Variants in ATG2B observed in about 807,000 individuals in gnomAD.
ATG2B encodes the protein autophagy related 2B.
A neutral mutation model predicts 241.3 loss-of-function variants in ATG2B; 121 were observed. The observed-to-expected ratio is 0.50, with a 90% CI of 0.43 to 0.58. The LOEUF (loss-of-function observed/expected upper bound fraction) is 0.58. Among genes scored for constraint, ATG2B ranks in the 20% least tolerant of loss-of-function variants. The pLI is 0.00. For synonymous variants in ATG2B, 858 were observed against 876.6 expected (o/e 0.98, Z 0.37); for missense variants, 2,306 against 2,491.6 (o/e 0.93, Z 1.59).
intron 41 of ATG2B, among the ~76,000 whole-genome samples, chr14:96,288,999 T>G (rs1461310244): frequency 6.6e-6 from 1 of 152,082 alleles, no homozygotes; most frequent in Non-Finnish European, 1.5e-5. Context: ...AAACTGAATG[T>G]CCACCAACAG....
In ATG2B at chr14:96,322,686, T is replaced by G. The variant is rs936705548; in HGVS notation, c.2590A>C (p.Ile864Leu). 1 of 1,613,720 alleles carries G rather than the reference T, an allele frequency of 6.2e-7. No individual in the cohort carries two copies. ...PPAMHSILER[I>L]AAEEEEENDG... Reference sequence around the variant, plus strand: ...TTCTCCTCTTCTTCTTCAGCTGCAATTCTCTCCAAAATGGAATGCATGGCT... The same window carrying G: ...TTCTCCTCTTCTTCTTCAGCTGCAAGTCTCTCCAAAATGGAATGCATGGCT... Residue 864 changes from isoleucine to leucine, a missense_variant, in exon 17 of 42, where the codon ATT (isoleucine) becomes CTT (leucine). Coordinates refer to ENST00000359933, the MANE Select transcript of ATG2B (RefSeq NM_018036.7).
At chr14:96,335,363 AAAAC>A (rs1346997775) in intron 6 of ATG2B, among the ~76,000 whole-genome samples, 1 of 152,204 alleles carries the variant, frequency 6.6e-6, no homozygotes, top group Non-Finnish European at 1.5e-5. Context: ...ATTCTAAAAC[AAAAC>A]AAACAAAAAA....
chr14:96,306,251 T>C (rs1167718479), intron 30 of ATG2B, among the ~76,000 whole-genome samples: 1 of 152,232 alleles, frequency 6.6e-6, no homozygotes, highest in Non-Finnish European at 1.5e-5. Flanking sequence ...TCTCAGAACT[T>C]TGTAAACAAA....
intron 8 of ATG2B, 72 bp from the exon 9 acceptor site, chr14:96,332,727 C>A (rs1447657085): frequency 8.2e-6 from 10 of 1,225,460 alleles, no homozygotes; most frequent in Non-Finnish European, 1.1e-5. Context: ...AGTTAATATA[C>A]GTTAATACAA....
chr14:96,344,025 A>C (rs759872387), intron 4 of ATG2B, among the ~76,000 whole-genome samples: 1 of 152,242 alleles, frequency 6.6e-6, no homozygotes, highest in African/African-American at 2.4e-5. Context: ...TTGGCAGTTC[A>C]TACAGCATTA....
rs149883118 is a variant in ATG2B at position 96,335,054 on chromosome 14, G to A, written c.925-553C>T. ...CGCCACTACAGAAACGTGGACAGAA[G>A]ATGGTGCTTAGGTGGACTTCCTTTC... On this transcript the variant is annotated intron_variant, in intron 6 of 41. Transcript: ENST00000359933. 3.9e-3 allele frequency among the ~76,000 whole-genome samples: 589 copies of A among 152,312 alleles called. 3 individuals are homozygous for A. The highest frequency in any genetic ancestry group is 0.013 in the African/African-American group (548 of 41,578).
rs1397816846 is a variant in ATG2B at position 96,332,572 on chromosome 14, T to C, written c.1291A>G (p.Met431Val). The C allele has an allele frequency of 3.1e-6, 5 of 1,611,072 alleles. No homozygotes were observed. The highest frequency in any genetic ancestry group is 1.3e-5 in the African/African-American group (1 of 74,750). Residue 431 changes from methionine (M) to valine (V), a missense_variant, in exon 9 of 42, where the codon ATG becomes GTG. Transcript: ENST00000359933. ...CTAGTTAATGATAACTCAAGGTCCA[T>C]GTTTGGGGGGTCCCCAAGGGGTGGA... ...SLPPLGDPPN[M>V]DLELSLTSTY...
At chr14:96,349,031 T>C (rs951757364) in intron 1 of ATG2B, among the ~76,000 whole-genome samples, 4 of 152,182 alleles carry the variant, frequency 2.6e-5, no homozygotes, top group African/African-American at 7.2e-5. Flanking sequence ...GATGATTATA[T>C]ACAGAGGAAA....
rs1887522275 is a variant in ATG2B, at chr14:96,323,925, T to C, written c.2511A>G (p.Thr837=). 4 of 1,612,002 alleles carry C rather than the reference T, an allele frequency of 2.5e-6. No individual in the cohort carries two copies. The highest frequency in any genetic ancestry group is 3.4e-6 in the Non-Finnish European group (4 of 1,179,164). Residue 837 remains threonine, a synonymous_variant, in exon 16 of 42, where the codon ACA becomes ACG. Coordinates refer to ENST00000359933, the MANE Select transcript of ATG2B (RefSeq NM_018036.7). The stretch of plus-strand genomic sequence containing the variant: ...GCCAGTCAAAGTCATCTGACGATGT[T>C]GTATCTCCATCTACTCCACTAGACA... ...FHVSSGVDGD[T]TSSDDFDWPR...
chr14:96,339,570 C>T (rs1887958207), intron 6 of ATG2B, among the ~76,000 whole-genome samples: 1 of 151,842 alleles, frequency 6.6e-6, no homozygotes, highest in African/African-American at 2.4e-5. Flanking sequence ...ATGTCTTTTG[C>T]AGCAACTTGG....
rs1888087964 is a variant in ATG2B, at chr14:96,343,165, A to G, written c.698T>C (p.Phe233Ser). ...TGGGGAAGATTTGGCTGATGCAGAAAACTCATCCCAGAAGAGAGACACTCC... is the reference window on the plus strand; with the variant it reads ...TGGGGAAGATTTGGCTGATGCAGAAGACTCATCCCAGAAGAGAGACACTCC... ...LSGVSLFWDE[F>S]SASAKSSPVC... Residue 233 changes from phenylalanine to serine, a missense_variant, in exon 5 of 42, where the codon TTT becomes TCT. By Grantham distance (155) the Phe-to-Ser change is radical. Coordinates refer to ENST00000359933, the MANE Select transcript of ATG2B (RefSeq NM_018036.7). 4 of 1,605,230 alleles carry G rather than the reference A, an allele frequency of 2.5e-6. No individual in the cohort carries two copies. The highest frequency in any genetic ancestry group is 3.4e-6 in the Non-Finnish European group (4 of 1,174,926).
At chr14:96,358,110 A>G (rs1295417329) in intron 1 of ATG2B, among the ~76,000 whole-genome samples, 1 of 152,200 alleles carries the variant, frequency 6.6e-6, no homozygotes, top group Non-Finnish European at 1.5e-5. Context: ...AAACCTCTAA[A>G]TACAAAAAGG....
chr14:96,349,133 G>A (rs1434278048), intron 1 of ATG2B, among the ~76,000 whole-genome samples: 2 of 152,198 alleles, frequency 1.3e-5, no homozygotes, highest in Admixed American at 6.5e-5. Context: ...GGGACCAGAA[G>A]ACCAGAAGGA....
chr14:96,351,901 C>A (rs1387429001), intron 1 of ATG2B, among the ~76,000 whole-genome samples: 417 of 130,718 alleles, frequency 3.2e-3, no homozygotes, highest in Non-Finnish European at 3.3e-3. Flanking sequence ...GACCTTGTCT[C>A]AAAAAAAAAA....
chr14:96,333,832 T>C lies in ATG2B; in HGVS notation c.1063A>G (p.Asn355Asp), dbSNP rs763078021. 7 of 1,613,874 alleles carry C rather than the reference T, an allele frequency of 4.3e-6. No individual in the cohort carries two copies. The Admixed American group carries it at 1.2e-4, about 27-fold the overall frequency. Reference sequence around the variant, plus strand: ...TCGTCTTCCTGCTGCATGGGTCGATTTTTCCTATCTTTATTAGCTAACCCT... The same window carrying C: ...TCGTCTTCCTGCTGCATGGGTCGATCTTTCCTATCTTTATTAGCTAACCCT... ...KIGLANKDRKNRPMQQEDEYR... is the reference protein window; with the variant it reads ...KIGLANKDRKDRPMQQEDEYR... Residue 355 changes from asparagine (N) to aspartate (D), a missense_variant, in exon 8 of 42, where the codon AAT becomes GAT. By Grantham distance (23) the Asn-to-Asp change is conservative. Transcript: ENST00000359933.
rs1485693797 is a variant in ATG2B at position 96,292,101 on chromosome 14, G to A, written c.5427-3C>T. ...CTTCTGACGTGAATCTAAATTCTCT[G>A]AAGATAAAGGAAGGAGGGAGTTATT... On this transcript the variant is annotated splice_region_variant and splice_polypyrimidine_tract_variant and intron_variant, in intron 36 of 41. Transcript: ENST00000359933. 6.4e-7 allele frequency: 1 copy of A among 1,572,948 alleles called. No individual in the cohort carries two copies. Among genetic ancestry groups the A allele is most frequent in the Non-Finnish European group, 8.7e-7 (1 of 1,154,730 alleles).
intron 34 of ATG2B, among the ~76,000 whole-genome samples, chr14:96,296,717 C>T (rs1238417708): frequency 4.6e-5 from 7 of 150,692 alleles, no homozygotes; most frequent in Non-Finnish European, 1.0e-4. Context: ...GCAGAGATCA[C>T]GCCATTGCAC....
chr14:96,325,608 G>T, intron 15 of ATG2B, 41 bp downstream of exon 15: 1 of 1,554,922 alleles, frequency 6.4e-7, no homozygotes, highest in South Asian at 1.2e-5. Context: ...GCAGTTGTTT[G>T]TTATCTAGGA....
chr14:96,333,259 C>T (rs967149224), intron 8 of ATG2B, among the ~76,000 whole-genome samples: 1 of 152,002 alleles, frequency 6.6e-6, no homozygotes, highest in African/African-American at 2.4e-5. Flanking sequence ...GGGTAGAGAT[C>T]ATTATTTACA....
Sources: gnomAD v4.1 joint callset for allele counts (sites outside exome capture counted in the v4.1 genomes callset) on GRCh38, gnomAD v4.1.1 for gene constraint, MANE v1.5 for transcripts, NCBI Gene and HGNC (gene_info 2026-07-23, HGNC 2026-07-21) for gene names.